The following USH2A variants were observed in gnomAD, a reference collection of about 807,000 sequenced individuals.
The protein encoded by USH2A is usherin.
USH2A carries 443 observed loss-of-function variants against 538.9 expected under a neutral mutation model. The observed-to-expected ratio is 0.82, with a 90% CI of 0.76 to 0.89. The LOEUF is 0.89. Ranked by LOEUF, USH2A falls within the 40% of genes least tolerant of loss-of-function variation. The probability of loss-of-function intolerance (pLI) is 0.00; values close to 1 mark genes in which losing one functional copy is unlikely to be tolerated. For missense variants in USH2A, 6,633 were observed against 6,324.8 expected (o/e 1.05, Z -1.65); for synonymous variants, 2,413 against 2,273.5 (o/e 1.06, Z -1.75).
At chr1:215,735,220 G>A (rs1384613073) in intron 60 of USH2A, among the ~76,000 whole-genome samples, 5 of 152,088 alleles carry the variant, frequency 3.3e-5, no homozygotes, top group Non-Finnish European at 7.4e-5. Flanking sequence ...CCTCCTCTAT[G>A]CATTTACATT....
chr1:215,867,010 GT>G lies in USH2A; in HGVS notation c.8841del (p.Lys2947AsnfsTer27). The G allele has an allele frequency of 6.2e-7, 1 of 1,614,012 alleles. No individual in the cohort carries two copies. The highest frequency in any genetic ancestry group is 8.5e-7 in the Non-Finnish European group (1 of 1,179,964). ...CAGGTATGAGAAGCTTACTTACTTG[GT>G]TTAGCCCACCTCACGTCGATGGCTG... ...NHTAIDVRWAKPTVQDLQGEV... is the reference protein window; with the variant it reads ...NHTAIDVRWAXPTVQDLQGEV... On this transcript the variant is annotated frameshift_variant, in exon 44 of 72. Transcript: ENST00000307340. LOFTEE classifies it high-confidence loss of function.
Position 215,844,471 on chromosome 1 carries a change from C to A in USH2A, c.9081G>T (p.Glu3027Asp). Residue 3027 changes from glutamate to aspartate, a missense_variant, in exon 46 of 72, where the codon GAG becomes GAT. By Grantham distance (45) the Glu-to-Asp change is conservative (BLOSUM62 2). Coordinates refer to ENST00000307340, the MANE Select transcript of USH2A (RefSeq NM_206933.4). ...DGEPQGMLPPEVVIINSTAVR... is the reference protein window; with the variant it reads ...DGEPQGMLPPDVVIINSTAVR... ...CAGCTGTACTGTTGATGATGACAAC[C>A]TCTGGAGGAAGCATGCCCTGAGGCT... is the stretch of plus-strand genomic sequence containing the variant. 6.2e-7 allele frequency: 1 copy of A among 1,611,240 alleles called. No individual in the cohort carries two copies. The highest frequency in any genetic ancestry group is 8.5e-7 in the Non-Finnish European group (1 of 1,179,808).
chr1:216,197,339 A>G (rs2034873547), intron 18 of USH2A, among the ~76,000 whole-genome samples: 1 of 152,154 alleles, frequency 6.6e-6, no homozygotes, highest in South Asian at 2.1e-4. Context: ...TGTATTATCA[A>G]AGGAACTCAT....
intron 4 of USH2A, among the ~76,000 whole-genome samples, chr1:216,352,540 G>C (rs1281897869): frequency 6.6e-6 from 1 of 152,148 alleles, no homozygotes; most frequent in Non-Finnish European, 1.5e-5. Context: ...GGAATTAAAG[G>C]CTCCTATGGT....
At chr1:216,251,199 T>C (rs1476851224) in intron 11 of USH2A, 101 bp from the exon 12 acceptor site, 1 of 1,163,760 alleles carries the variant, frequency 8.6e-7, no homozygotes, top group Non-Finnish European at 1.3e-6. Context: ...GAAAACTAAA[T>C]GTTCAACAGA....
At chr1:216,343,199 A>T (rs2038109087) in intron 4 of USH2A, among the ~76,000 whole-genome samples, 1 of 151,954 alleles carries the variant, frequency 6.6e-6, no homozygotes, top group Non-Finnish European at 1.5e-5. Context: ...ATTTCTTGTT[A>T]AATTTTTAGA....
intron 32 of USH2A, among the ~76,000 whole-genome samples, chr1:216,014,202 A>G (rs890523112): frequency 6.6e-6 from 1 of 152,172 alleles, no homozygotes; most frequent in Non-Finnish European, 1.5e-5. Context: ...AGGGAAAAAA[A>G]TGGAGAAGAG....
At chr1:216,303,044 T>G (rs1194290589) in intron 9 of USH2A, among the ~76,000 whole-genome samples, 1 of 151,996 alleles carries the variant, frequency 6.6e-6, no homozygotes, top group Non-Finnish European at 1.5e-5. Context: ...CTGCATGTTG[T>G]TAGGTATTTG....
At chr1:215,956,330 T>A (rs911620009) in intron 37 of USH2A, among the ~76,000 whole-genome samples, 3 of 152,258 alleles carry the variant, frequency 2.0e-5, no homozygotes, top group Non-Finnish European at 2.9e-5. Flanking sequence ...GTATTAGAAA[T>A]CCCCCAAATC....
At chr1:216,357,338 CT>C (rs1418974478) in intron 4 of USH2A, among the ~76,000 whole-genome samples, 1 of 152,010 alleles carries the variant, frequency 6.6e-6, no homozygotes, top group African/African-American at 2.4e-5. Flanking sequence ...ACTTTCTAAG[CT>C]TTTTTTAAAT....
chr1:216,001,605 T>C lies in USH2A; in HGVS notation c.6326-1043A>G, dbSNP rs577455415. Among the ~76,000 whole-genome samples the C allele has an allele frequency of 2.0e-5, 3 of 152,314 alleles. No homozygotes were observed. The East Asian group carries it at 5.8e-4, about 29-fold the overall frequency. ...TTAACACTACTAGAAACAATCATTA[T>C]TTTCTGACATACTTTTAAAATAAGT... is the stretch of plus-strand genomic sequence containing the variant. On this transcript the variant is annotated intron_variant, in intron 32 of 71. Coordinates refer to ENST00000307340, the MANE Select transcript of USH2A (RefSeq NM_206933.4).
chr1:216,413,410 A>G (rs1197030658), intron 3 of USH2A, among the ~76,000 whole-genome samples: 2 of 152,090 alleles, frequency 1.3e-5, no homozygotes, highest in African/African-American at 4.8e-5. Flanking sequence ...AAACACCTTT[A>G]TAAAGTGTGC....
intron 64 of USH2A, among the ~76,000 whole-genome samples, chr1:215,666,119 C>G (rs1175486032): frequency 6.6e-6 from 1 of 152,150 alleles, no homozygotes; most frequent in African/African-American, 2.4e-5. Context: ...AGAGTGTTAT[C>G]CTTCAGAATC....
intron 64 of USH2A, among the ~76,000 whole-genome samples, chr1:215,658,136 C>A (rs1284724453): frequency 2.6e-5 from 4 of 151,892 alleles, no homozygotes; most frequent in Non-Finnish European, 5.9e-5. Context: ...GGTGTTTCAC[C>A]ATCTTAGCCA....
In USH2A at chr1:215,638,066, TA is replaced by T. The variant is rs150473073; in HGVS notation, c.15052+1088del. Among the ~76,000 whole-genome samples, 920 of 152,334 alleles carry T rather than the reference TA, an allele frequency of 6.0e-3. 22 individuals are homozygous for T. In the South Asian group the frequency reaches 0.071, roughly 12 times the overall value. On this transcript the variant is annotated intron_variant, in intron 69 of 71. Transcript: ENST00000307340. ...ATTACCCGATATCAACAGTCAATCA[TA>T]ATCTTTTATGGAGAATAAAAGACAC...
chr1:215,640,879 A>G (rs1656662634), intron 67 of USH2A, 145 bp from the exon 68 acceptor site: 1 of 929,424 alleles, frequency 1.1e-6, no homozygotes, highest in Non-Finnish European at 1.6e-6. Context: ...CAACATTGCT[A>G]GAATCCTTCA....
chr1:215,626,219 T>C (rs1336734261), intron 71 of USH2A, among the ~76,000 whole-genome samples: 1 of 150,204 alleles, frequency 6.7e-6, no homozygotes, highest in Non-Finnish European at 1.5e-5. Flanking sequence ...GCTGGGGGTA[T>C]ATATATATAT....
At chr1:216,198,217 G>C in intron 18 of USH2A, 98 bp downstream of exon 18, 1 of 1,564,120 alleles carries the variant, frequency 6.4e-7, no homozygotes, top group Admixed American at 1.8e-5. Context: ...TCTAATTCTT[G>C]CTTTTCAAAA....
intron 11 of USH2A, among the ~76,000 whole-genome samples, chr1:216,268,707 T>C (rs2036521271): frequency 6.6e-6 from 1 of 152,106 alleles, no homozygotes; most frequent in Non-Finnish European, 1.5e-5. Context: ...TCTGAATACA[T>C]CAGGGGTGCT....
Sources: allele counts gnomAD v4.1 joint callset (sites outside exome capture counted in the v4.1 genomes callset), GRCh38; gene constraint gnomAD v4.1.1; transcripts MANE v1.5; gene names NCBI Gene and HGNC (gene_info 2026-07-23, HGNC 2026-07-21).